Variants in CFLAR observed in about 807,000 individuals in gnomAD.
CFLAR encodes the protein CASP8 and FADD like apoptosis regulator.
Under a neutral mutation model 51.1 loss-of-function variants are expected in CFLAR, and 14 were observed. The observed-to-expected ratio is 0.27, with a 90% CI of 0.18 to 0.43. The LOEUF (loss-of-function observed/expected upper bound fraction) is 0.43. CFLAR is among the 20% of genes least tolerant of loss of function. CFLAR has a pLI of 1.00. For synonymous variants in CFLAR, 210 were observed against 211.6 expected, an observed-to-expected ratio of 0.99 and a Z score of 0.06; for missense variants, 390 against 566.5, an observed-to-expected ratio of 0.69 and a Z score of 3.16.
chr2:201,128,678 T>C (rs1405589438), intron 1 of CFLAR, among the ~76,000 whole-genome samples: 3 of 152,162 alleles, frequency 2.0e-5, no homozygotes, highest in Admixed American at 2.0e-4. Flanking sequence ...AAAGCAACCA[T>C]TGGCAATTTA....
chr2:201,142,300 A>G (rs557706681), intron 5 of CFLAR, among the ~76,000 whole-genome samples: 50 of 150,952 alleles, frequency 3.3e-4, no homozygotes, highest in Non-Finnish European at 4.0e-4. Flanking sequence ...TATTATATAT[A>G]TATATATAAA....
At chr2:201,161,182 G>A (rs1445322048) in intron 9 of CFLAR, among the ~76,000 whole-genome samples, 5 of 152,058 alleles carry the variant, frequency 3.3e-5, no homozygotes, top group Admixed American at 3.3e-4. Flanking sequence ...TTTCAGCCTG[G>A]GCAACAAAGT....
intron 8 of CFLAR, among the ~76,000 whole-genome samples, chr2:201,151,633 G>T (rs1404522131): frequency 2.0e-5 from 3 of 151,938 alleles, no homozygotes; most frequent in Non-Finnish European, 4.4e-5. Flanking sequence ...TGTTTTAAGA[G>T]ATTATGTAAT....
intron 2 of CFLAR, among the ~76,000 whole-genome samples, chr2:201,132,430 A>AATATATATATAT (rs35648857): frequency 2.3e-4 from 32 of 137,964 alleles, no homozygotes; most frequent in African/African-American, 8.5e-4. Flanking sequence ...GGGGGGGAAA[A>AATATATATATAT]ATATATATAT....
intron 4 of CFLAR, 36 bp downstream of exon 4, chr2:201,136,143 T>A: frequency 6.2e-7 from 1 of 1,612,770 alleles, no homozygotes; most frequent in Non-Finnish European, 8.5e-7. Context: ...CTAGGGGAAG[T>A]ACTCTGTGCA....
chr2:201,140,284 TG>T, intron 4 of CFLAR, 72 bp from the exon 5 acceptor site: 1 of 1,564,634 alleles, frequency 6.4e-7, no homozygotes, highest in African/African-American at 1.4e-5. Flanking sequence ...GACCTTGGAC[TG>T]AACCACTATT....
In CFLAR at chr2:201,164,086, T is replaced by C. The variant is rs1047569920; in HGVS notation, c.*113T>C. The C allele has an allele frequency of 1.3e-6, 1 of 766,696 alleles. No homozygotes were observed. Among genetic ancestry groups the C allele is most frequent in the Non-Finnish European group, 2.0e-6 (1 of 491,732 alleles). The allele number at this position is 766,696 out of a possible 1,614,324, so 47.5% of individuals were successfully genotyped here. A position where few individuals can be genotyped will look rare whatever the true frequency, so the allele number is the denominator to read the frequency against. On this transcript the variant is annotated 3_prime_UTR_variant, in exon 10 of 10. Coordinates refer to ENST00000309955, the MANE Select transcript of CFLAR (RefSeq NM_003879.7). ...TTCGAGACCAGCCTGGCCAACATGG[T>C]AAACGCTGTCCCTAGTAAAAATACA... is the stretch of plus-strand genomic sequence containing the variant.
At position 201,167,646 on chromosome 2, in the gene CFLAR, C is replaced by T. The variant is rs917776657; in HGVS notation, c.*3673C>T. ...GTGCCAGTGGGAAGTAATGTGTATG[C>T]TTGGCCTCATGAGCTAAAACCCTGT... On this transcript the variant is annotated 3_prime_UTR_variant, in exon 10 of 10. Coordinates refer to ENST00000309955, the MANE Select transcript of CFLAR (RefSeq NM_003879.7). The T allele has an allele frequency of 6.6e-6, 1 of 152,218 alleles. No homozygotes were observed. The highest frequency in any genetic ancestry group is 1.9e-4 in the East Asian group (1 of 5,204). 9.4% of individuals were successfully genotyped at this position (152,218 alleles called of 1,614,324 possible). A position where few individuals can be genotyped will look rare whatever the true frequency, so the allele number is the denominator to read the frequency against.
chr2:201,130,219 G>C, intron 2 of CFLAR, 73 bp downstream of exon 2: 1 of 1,363,146 alleles, frequency 7.3e-7, no homozygotes, highest in Non-Finnish European at 9.7e-7. Context: ...CTGAATGGCA[G>C]AAACGAGGAT....
In CFLAR at chr2:201,173,136, A is replaced by G. The variant is rs939540492; in HGVS notation, c.*9163A>G. 3 of 152,120 alleles carry G rather than the reference A, an allele frequency of 2.0e-5. No homozygotes were observed. The highest frequency in any genetic ancestry group is 4.4e-5 in the Non-Finnish European group (3 of 68,062). The allele number at this position is 152,120 out of a possible 1,614,324, so 9.4% of individuals were successfully genotyped here. A position where few individuals can be genotyped will look rare whatever the true frequency, so the allele number is the denominator to read the frequency against. Reference sequence around the variant, plus strand: ...AACCTCTGCCTTCTGGGTTCAAGCCATTCTCCTGCCTCAGCCTCCCTAGTA... The same window carrying G: ...AACCTCTGCCTTCTGGGTTCAAGCCGTTCTCCTGCCTCAGCCTCCCTAGTA... On this transcript the variant is annotated 3_prime_UTR_variant, in exon 10 of 10. Coordinates refer to ENST00000309955, the MANE Select transcript of CFLAR (RefSeq NM_003879.7).
At chr2:201,123,038 C>T (rs1401121136) in intron 1 of CFLAR, among the ~76,000 whole-genome samples, 3 of 152,068 alleles carry the variant, frequency 2.0e-5, no homozygotes, top group African/African-American at 7.3e-5. Flanking sequence ...GCAAGTATAC[C>T]TGCCAAAGTG....
chr2:201,125,558 C>G (rs558440871), intron 1 of CFLAR, among the ~76,000 whole-genome samples: 12 of 151,894 alleles, frequency 7.9e-5, no homozygotes, highest in African/African-American at 2.9e-4. Flanking sequence ...AGCAGAGGGA[C>G]AGGAGGGACC....
At position 201,166,997 on chromosome 2, in the gene CFLAR, T is replaced by C. The variant is rs1021069409; in HGVS notation, c.*3024T>C. ...GAGGGGGAGAGGGCTATTTTTAAAA[T>C]TTTTTAAAATTGCTGAACAGGGGTA... On this transcript the variant is annotated 3_prime_UTR_variant, in exon 10 of 10. Transcript: ENST00000309955. The C allele has an allele frequency of 6.6e-6, 1 of 151,516 alleles. No homozygotes were observed. Among genetic ancestry groups the C allele is most frequent in the Non-Finnish European group, 1.5e-5 (1 of 67,866 alleles). 9.4% of individuals were successfully genotyped at this position (151,516 alleles called of 1,614,324 possible). A position where few individuals can be genotyped will look rare whatever the true frequency, so the allele number is the denominator to read the frequency against.
At chr2:201,158,586 G>A (rs1242886027) in intron 8 of CFLAR, among the ~76,000 whole-genome samples, 1 of 152,110 alleles carries the variant, frequency 6.6e-6, no homozygotes, top group African/African-American at 2.4e-5. Context: ...GAATAGCAGT[G>A]ATGGAACTGG....
At position 201,140,160 on chromosome 2, in the gene CFLAR, C is replaced by G. The variant is rs963994277; in HGVS notation, c.524-197C>G. The G allele has an allele frequency of 7.3e-6, 3 of 410,828 alleles. No homozygotes were observed. The East Asian group carries it at 1.4e-4, about 19-fold the overall frequency. 25.4% of individuals were successfully genotyped at this position (410,828 alleles called of 1,614,324 possible). On this transcript the variant is annotated intron_variant, in intron 4 of 9. Transcript: ENST00000309955. Reference sequence around the variant, plus strand: ...GGCGGGGGCTGCGGCAGCGGCGGGGCGGGCCAGGGCGCCCTATACTCCATT... The same window carrying G: ...GGCGGGGGCTGCGGCAGCGGCGGGGGGGGCCAGGGCGCCCTATACTCCATT...
In CFLAR at chr2:201,164,861, T is replaced by G. The variant is rs115273567; in HGVS notation, c.*888T>G. 9.7e-4 allele frequency: 148 copies of G among 152,322 alleles called. No individual in the cohort carries two copies. The highest frequency in any genetic ancestry group is 3.5e-3 in the African/African-American group (145 of 41,560). The allele number at this position is 152,322 out of a possible 1,614,324, so 9.4% of individuals were successfully genotyped here. On this transcript the variant is annotated 3_prime_UTR_variant, in exon 10 of 10. Coordinates refer to ENST00000309955, the MANE Select transcript of CFLAR (RefSeq NM_003879.7). ...AATCCAACATCTAAGTGGTAGCATA[T>G]CTGGTGTCTGGTAAGGCATGCTTCC...
chr2:201,140,160 C>A (rs963994277), intron 4 of CFLAR, 197 bp from the exon 5 acceptor site: 2 of 410,828 alleles, frequency 4.9e-6, no homozygotes, highest in Non-Finnish European at 8.2e-6. Flanking sequence ...AGCGGCGGGG[C>A]GGGCCAGGGC....
Position 201,138,288 on chromosome 2 carries a change from G to A in CFLAR, c.524-2069G>A, listed in dbSNP as rs1575701522. The A allele has an allele frequency of 5.1e-6, 4 of 785,818 alleles. No individual in the cohort carries two copies. Among genetic ancestry groups the A allele is most frequent in the Non-Finnish European group, 9.3e-6 (4 of 429,418 alleles). 48.7% of individuals were successfully genotyped at this position (785,818 alleles called of 1,614,324 possible). On this transcript the variant is annotated intron_variant, in intron 4 of 9. Coordinates refer to ENST00000309955, the MANE Select transcript of CFLAR (RefSeq NM_003879.7). This position sits in a 1 kb window ranked among gnomAD's most constrained non-coding sequence, Gnocchi z 4.0. ...CCTACCTGGGTGAGCAGGTCCAGGT[G>A]GTATTTGTCATCCTCATGGGTACCC...
rs1944140283 is a variant in CFLAR at position 201,174,595 on chromosome 2, C to A, written c.*10622C>A. ...ATGAGGCCTTGCTATGTTGCCCAGG[C>A]TGGTCTCAAACTCCTGGCCTCAAAC... On this transcript the variant is annotated 3_prime_UTR_variant, in exon 10 of 10. Coordinates refer to ENST00000309955, the MANE Select transcript of CFLAR (RefSeq NM_003879.7). 6.6e-6 allele frequency: 1 copy of A among 152,188 alleles called. No homozygotes were observed. Among genetic ancestry groups the A allele is most frequent in the Admixed American group, 6.6e-5 (1 of 15,264 alleles). 9.4% of individuals were successfully genotyped at this position (152,188 alleles called of 1,614,324 possible).
Sources: gnomAD v4.1 joint callset for allele counts (sites outside exome capture counted in the v4.1 genomes callset) on GRCh38, gnomAD v4.1.1 for gene constraint, Gnocchi (gnomAD v3.1) non-coding constraint, MANE v1.5 for transcripts, NCBI Gene and HGNC (gene_info 2026-07-23, HGNC 2026-07-21) for gene names.